The following FANK1 variants were observed in gnomAD, a reference collection of about 807,000 sequenced individuals.
FANK1 encodes fibronectin type III and ankyrin repeat domains 1.
A neutral mutation model predicts 45.3 loss-of-function variants in FANK1; 44 were observed. The ratio of observed to expected loss-of-function variants is 0.97; its 90% CI spans 0.76 to 1.25. The LOEUF (loss-of-function observed/expected upper bound fraction) is 1.25. FANK1 is among the 50% of genes most tolerant of loss of function. The pLI is 0.00. For missense variants in FANK1, 391 were observed against 424.4 expected, an observed-to-expected ratio of 0.92 and a Z score of 0.69; for synonymous variants, 149 against 152.5, an observed-to-expected ratio of 0.98 and a Z score of 0.17.
chr10:125,958,810 G>T (rs999983889), intron 1 of FANK1, among the ~76,000 whole-genome samples: 2 of 152,088 alleles, frequency 1.3e-5, no homozygotes, highest in African/African-American at 4.8e-5. Context: ...TAGATCATTT[G>T]CCTATATTTA....
At chr10:125,956,550 A>G (rs1949589817) in intron 1 of FANK1, among the ~76,000 whole-genome samples, 1 of 152,238 alleles carries the variant, frequency 6.6e-6, no homozygotes, top group Non-Finnish European at 1.5e-5. Flanking sequence ...CTTTGGTTTT[A>G]CAGAAAATAT....
At chr10:125,928,080 G>A (rs888893030) in intron 1 of FANK1, among the ~76,000 whole-genome samples, 3 of 152,088 alleles carry the variant, frequency 2.0e-5, no homozygotes, top group Non-Finnish European at 4.4e-5. Flanking sequence ...AGGGTTATTG[G>A]ATCTGGTGCA....
chr10:125,969,191 T>C (rs1177208848), intron 1 of FANK1, among the ~76,000 whole-genome samples: 1 of 151,982 alleles, frequency 6.6e-6, no homozygotes, highest in Non-Finnish European at 1.5e-5. Context: ...CCATTGAAAA[T>C]TGAACATAAG....
intron 1 of FANK1, among the ~76,000 whole-genome samples, chr10:125,936,560 G>T (rs1306701655): frequency 6.6e-6 from 1 of 151,696 alleles, no homozygotes; most frequent in Non-Finnish European, 1.5e-5. Flanking sequence ...GGTTAGTTTT[G>T]CCAGCTTTTG....
intron 1 of FANK1, among the ~76,000 whole-genome samples, chr10:125,913,893 A>G (rs985453015): frequency 1.3e-5 from 2 of 152,222 alleles, no homozygotes; most frequent in African/African-American, 2.4e-5. Context: ...GATATTGACT[A>G]TGAAACAAGA....
intron 1 of FANK1, among the ~76,000 whole-genome samples, chr10:125,916,267 C>T (rs761440596): frequency 6.6e-6 from 1 of 152,138 alleles, no homozygotes; most frequent in East Asian, 1.9e-4. Flanking sequence ...GATCTCTTGA[C>T]CCGCCTGCCT....
At chr10:125,934,731 T>TG (rs1947972727) in intron 1 of FANK1, among the ~76,000 whole-genome samples, 7 of 23,258 alleles carry the variant, frequency 3.0e-4, no homozygotes, top group African/African-American at 5.0e-4. Context: ...ACCGTTTTTT[T>TG]TTTTTTTTTT....
intron 1 of FANK1, among the ~76,000 whole-genome samples, chr10:125,906,515 CAAAAAAAAAA>C (rs34132526): frequency 2.6e-4 from 12 of 46,422 alleles, no homozygotes; most frequent in South Asian, 5.4e-4. Context: ...GACTCTGTCT[CAAAAAAAAAA>C]AAAAAAAAAA....
At chr10:125,974,108 T>C (rs542600703) in intron 1 of FANK1, among the ~76,000 whole-genome samples, 1 of 152,348 alleles carries the variant, frequency 6.6e-6, no homozygotes, top group African/African-American at 2.4e-5. Flanking sequence ...TTTAACTCAG[T>C]TTCAGAGAAC....
Position 126,000,918 on chromosome 10 carries a change from A to G in FANK1, c.539+3433A>G, listed in dbSNP as rs187936387. ...CAGAATCAATATAAGCAATTCATAT[A>G]AAGATGTTTAGCATTACTAGTAATA... On this transcript the variant is annotated intron_variant, in intron 6 of 10. Transcript: ENST00000368693. 2.2e-3 allele frequency among the ~76,000 whole-genome samples: 337 copies of G among 152,310 alleles called. 1 individual carries two copies. Among genetic ancestry groups the G allele is most frequent in the African/African-American group, 7.8e-3 (326 of 41,568 alleles).
chr10:125,953,169 A>G (rs1046584719), intron 1 of FANK1, among the ~76,000 whole-genome samples: 3 of 152,168 alleles, frequency 2.0e-5, no homozygotes, highest in Non-Finnish European at 4.4e-5. Flanking sequence ...TCCCAGTGAT[A>G]AGCCAGGAAC....
chr10:125,928,593 C>G (rs918931175), intron 1 of FANK1, among the ~76,000 whole-genome samples: 2 of 152,290 alleles, frequency 1.3e-5, no homozygotes, highest in South Asian at 4.1e-4. Context: ...TTTCAAACCC[C>G]TCTGACACTT....
chr10:125,948,554 C>G (rs1441289132), intron 1 of FANK1, among the ~76,000 whole-genome samples: 1 of 152,198 alleles, frequency 6.6e-6, no homozygotes, highest in Non-Finnish European at 1.5e-5. Context: ...TCTCCCAAGA[C>G]TAAACCAGGA....
At chr10:125,996,793 A>G (rs1403544582) in intron 5 of FANK1, among the ~76,000 whole-genome samples, 169 bp downstream of exon 5, 1 of 152,256 alleles carries the variant, frequency 6.6e-6, no homozygotes, top group Non-Finnish European at 1.5e-5. Flanking sequence ...TATTGTAATC[A>G]TAAAGTTACA....
intron 7 of FANK1, 124 bp from the exon 8 acceptor site, chr10:126,008,283 C>T (rs776342478): frequency 5.2e-6 from 7 of 1,335,558 alleles, no homozygotes; most frequent in Non-Finnish European, 7.0e-6. Context: ...GTGCAATGAA[C>T]CAAATATAGA....
intron 2 of FANK1, among the ~76,000 whole-genome samples, chr10:125,987,897 A>G (rs1169531320): frequency 6.6e-6 from 1 of 152,174 alleles, no homozygotes; most frequent in East Asian, 1.9e-4. Flanking sequence ...ACTCAGTACT[A>G]CTTCCCTCTG....
intron 1 of FANK1, among the ~76,000 whole-genome samples, chr10:125,926,889 G>T (rs1353721896): frequency 1.8e-4 from 27 of 152,344 alleles, no homozygotes; most frequent in African/African-American, 6.3e-4. Context: ...TTTTTTTATT[G>T]TGGTATAAGA....
chr10:126,004,902 T>C lies in FANK1; in HGVS notation c.558T>C (p.Tyr186=), dbSNP rs1222361877. The C allele has an allele frequency of 1.9e-6, 3 of 1,614,184 alleles. No homozygotes were observed. Among genetic ancestry groups the C allele is most frequent in the Non-Finnish European group, 2.5e-6 (3 of 1,180,044 alleles). Residue 186 remains tyrosine (Y), a synonymous_variant, in exon 7 of 11, where the codon TAT becomes TAC. Transcript: ENST00000368693. ...GTTGCAGTCTAATGCTGGCGTGCTA[T>C]GCGGGACACCTAGATGTTGTGAAAT... is the stretch of plus-strand genomic sequence containing the variant. ...SGKDSLMLAC[Y]AGHLDVVKYL...
At chr10:125,904,062 T>C (rs1945277564) in intron 1 of FANK1, among the ~76,000 whole-genome samples, 1 of 152,048 alleles carries the variant, frequency 6.6e-6, no homozygotes, top group African/African-American at 2.4e-5. Flanking sequence ...CTCTCTTTGT[T>C]CCCCAGGCTA....
Sources: gnomAD v4.1 joint callset for allele counts (sites outside exome capture counted in the v4.1 genomes callset) on GRCh38, gnomAD v4.1.1 for gene constraint, MANE v1.5 for transcripts, NCBI Gene and HGNC (gene_info 2026-07-23, HGNC 2026-07-21) for gene names.